MCM8: variants seen among roughly 807,000 people sequenced by gnomAD.
MCM8 encodes DNA helicase MCM8.
A neutral mutation model predicts 98.9 loss-of-function variants in MCM8; 85 were observed. The observed-to-expected ratio is 0.86, with a 90% CI of 0.72 to 1.03. MCM8 has a LOEUF of 1.03. MCM8 is among the 50% of genes least tolerant of loss of function. The probability of loss-of-function intolerance (pLI) is 0.00; values close to 1 mark genes in which losing one functional copy is unlikely to be tolerated. For missense variants in MCM8, 951 were observed against 997.8 expected, an observed-to-expected ratio of 0.95 and a Z score of 0.63; for synonymous variants, 352 against 338.6, an observed-to-expected ratio of 1.04 and a Z score of -0.44.
chr20:5,958,425 A>G, intron 6 of MCM8, 103 bp from the exon 7 acceptor site: 4 of 824,244 alleles, frequency 4.9e-6, no homozygotes, highest in Non-Finnish European at 7.9e-6. Context: ...GATATATCGA[A>G]GGGATGATTT....
At chr20:5,988,319 G>A (rs981920252) in intron 17 of MCM8, among the ~76,000 whole-genome samples, 23 of 152,068 alleles carry the variant, frequency 1.5e-4, no homozygotes, top group East Asian at 3.9e-4. Flanking sequence ...AAAATTAGCT[G>A]GGCGTGGTGG....
At chr20:5,966,488 T>C (rs2089277511) in intron 8 of MCM8, among the ~76,000 whole-genome samples, 1 of 152,190 alleles carries the variant, frequency 6.6e-6, no homozygotes, top group Non-Finnish European at 1.5e-5. Flanking sequence ...TGTTCCCTTT[T>C]TGTAGTGGCT....
chr20:5,976,439 C>T (rs933365782), intron 12 of MCM8, among the ~76,000 whole-genome samples: 2 of 151,986 alleles, frequency 1.3e-5, no homozygotes, highest in African/African-American at 4.8e-5. Context: ...CTCTCAGCCC[C>T]GAGGAAGGGG....
chr20:5,984,756 T>G (rs768893349), intron 14 of MCM8, 25 bp from the exon 15 acceptor site: 1 of 1,552,246 alleles, frequency 6.4e-7, no homozygotes, highest in South Asian at 1.1e-5. Context: ...CAATCATTGT[T>G]TCTTCTTTCT....
intron 13 of MCM8, 41 bp downstream of exon 13, chr20:5,978,058 T>C (rs1450186900): frequency 1.2e-6 from 2 of 1,606,494 alleles, no homozygotes; most frequent in Non-Finnish European, 1.7e-6. Flanking sequence ...CTGGGACTTT[T>C]TGAAAAGCCT....
intron 12 of MCM8, among the ~76,000 whole-genome samples, 179 bp from the exon 13 acceptor site, chr20:5,977,697 G>C (rs1363884290): frequency 6.6e-6 from 1 of 152,246 alleles, no homozygotes; most frequent in African/African-American, 2.4e-5. Context: ...TGTTGGCCTT[G>C]GTTTTGACAT....
chr20:5,980,193 T>G (rs2089601362), intron 13 of MCM8, among the ~76,000 whole-genome samples: 1 of 152,184 alleles, frequency 6.6e-6, no homozygotes, highest in African/African-American at 2.4e-5. Flanking sequence ...CTGCTGCACC[T>G]TAGCAGACCT....
At chr20:5,986,306 A>C (rs2089734164) in intron 16 of MCM8, among the ~76,000 whole-genome samples, 175 bp downstream of exon 16, 1 of 152,254 alleles carries the variant, frequency 6.6e-6, no homozygotes, top group South Asian at 2.1e-4. Flanking sequence ...TAACATATCC[A>C]AGTATAGCTA....
At chr20:5,994,001 G>T in intron 18 of MCM8, 2 of 348,394 alleles carry the variant, frequency 5.7e-6, no homozygotes, top group Non-Finnish European at 1.0e-5. Context: ...CTTCAAACAT[G>T]GGCTGTTACA....
At chr20:5,975,705 C>A (rs567550318) in intron 12 of MCM8, among the ~76,000 whole-genome samples, 1 of 151,464 alleles carries the variant, frequency 6.6e-6, no homozygotes, top group East Asian at 1.9e-4. Flanking sequence ...ACCATGTTAG[C>A]GAGGAGGGTC....
At chr20:5,986,710 A>G (rs1350926054) in intron 16 of MCM8, among the ~76,000 whole-genome samples, 2 of 152,224 alleles carry the variant, frequency 1.3e-5, no homozygotes, top group Non-Finnish European at 2.9e-5. Flanking sequence ...AACCAAGTGT[A>G]TTTCATCATC....
intron 13 of MCM8, among the ~76,000 whole-genome samples, chr20:5,979,880 A>G (rs143207564): frequency 6.6e-6 from 1 of 152,320 alleles, no homozygotes; most frequent in East Asian, 1.9e-4. Flanking sequence ...AAGTCTTGAG[A>G]GTGGCCCAGG....
rs1239921996 is a variant in MCM8 at position 5,987,374 on chromosome 20, C to T, written c.2240+16C>T. The T allele has an allele frequency of 2.5e-6, 4 of 1,594,522 alleles. No individual in the cohort carries two copies. The highest frequency in any genetic ancestry group is 3.4e-6 in the Non-Finnish European group (4 of 1,169,330). ...TGAAATATAGGTAAGATAAAAATTTCAAATTGTTTTAAATGAAATACCAGT... is the reference window on the plus strand; with the variant it reads ...TGAAATATAGGTAAGATAAAAATTTTAAATTGTTTTAAATGAAATACCAGT... On this transcript the variant is annotated intron_variant, in intron 17 of 18. Coordinates refer to ENST00000610722, the MANE Select transcript of MCM8 (RefSeq NM_032485.6).
At chr20:5,954,013 A>G (rs911473750) in intron 3 of MCM8, among the ~76,000 whole-genome samples, 20 of 152,170 alleles carry the variant, frequency 1.3e-4, no homozygotes, top group South Asian at 6.2e-4. Flanking sequence ...TCAGAACACT[A>G]TAAGTGATCT....
intron 18 of MCM8, chr20:5,993,897 T>G (rs550940467): frequency 4.4e-6 from 2 of 449,812 alleles, no homozygotes; most frequent in South Asian, 9.5e-5. Context: ...TATGTCATTT[T>G]AACATCTTTT....
intron 17 of MCM8, among the ~76,000 whole-genome samples, chr20:5,992,313 C>T (rs193083042): frequency 5.9e-5 from 9 of 152,220 alleles, no homozygotes; most frequent in Admixed American, 4.6e-4. Context: ...ATAAGAAAAG[C>T]AATTTCAAAA....
At chr20:5,985,517 T>C (rs1192899565) in intron 15 of MCM8, among the ~76,000 whole-genome samples, 1 of 150,532 alleles carries the variant, frequency 6.6e-6, no homozygotes, top group South Asian at 2.1e-4. Context: ...ATTTGGAGAG[T>C]CTTTTAGAAT....
intron 12 of MCM8, among the ~76,000 whole-genome samples, chr20:5,975,743 G>T (rs111358491): frequency 0.071 from 10,663 of 150,878 alleles, 579 homozygotes; most frequent in Middle Eastern, 0.2. Context: ...TGATCCGCCC[G>T]CCTCAGCCTC....
In MCM8 at chr20:5,994,428, G is replaced by A. The variant is rs1442864546; in HGVS notation, c.*37G>A. The A allele has an allele frequency of 8.0e-7, 1 of 1,251,400 alleles. No individual in the cohort carries two copies. Among genetic ancestry groups the A allele is most frequent in the Non-Finnish European group, 1.1e-6 (1 of 894,820 alleles). 77.5% of individuals were successfully genotyped at this position (1,251,400 alleles called of 1,614,324 possible). A position where few individuals can be genotyped will look rare whatever the true frequency, so the allele number is the denominator to read the frequency against. ...CAAGTTAGGGCCTCCTGGGTTTATT[G>A]CAGATTAAAGCCATCTCAGTGAAGA... is the stretch of plus-strand genomic sequence containing the variant. On this transcript the variant is annotated 3_prime_UTR_variant, in exon 19 of 19. Coordinates refer to ENST00000610722, the MANE Select transcript of MCM8 (RefSeq NM_032485.6).
Sources: allele counts gnomAD v4.1 joint callset (sites outside exome capture counted in the v4.1 genomes callset), GRCh38; gene constraint gnomAD v4.1.1; transcripts MANE v1.5; gene names NCBI Gene and HGNC (gene_info 2026-07-23, HGNC 2026-07-21).